NEBL: variants seen among roughly 807,000 people sequenced by gnomAD.
The protein encoded by NEBL is LIM and SH3 protein 2.
NEBL carries 122 observed loss-of-function variants against 140.2 expected under a neutral mutation model. That is an observed-to-expected ratio of 0.87 (90% CI 0.75 to 1.01). The LOEUF is 1.01. Ranked by LOEUF, NEBL falls within the 50% of genes least tolerant of loss-of-function variation. The pLI is 0.00. For missense variants in NEBL, 1,365 were observed against 1,231.3 expected (o/e 1.11, Z -1.62); for synonymous variants, 436 against 398.9 (o/e 1.09, Z -1.11).
intron 3 of NEBL, among the ~76,000 whole-genome samples, chr10:21,202,461 C>CTTCTTTTT (rs1841752979): frequency 8.5e-6 from 1 of 117,294 alleles, no homozygotes; most frequent in Non-Finnish European, 1.7e-5. Flanking sequence ...TTTTCTTTTT[C>CTTCTTTTT]TTTTTTTTTT....
intron 5 of NEBL, among the ~76,000 whole-genome samples, chr10:20,874,090 C>A (rs909042580): frequency 6.6e-6 from 1 of 152,116 alleles, no homozygotes; most frequent in African/African-American, 2.4e-5. Flanking sequence ...ATAGGAACAC[C>A]TAGAATTATT....
chr10:20,908,717 T>C (rs1848203253), intron 4 of NEBL, among the ~76,000 whole-genome samples: 2 of 152,210 alleles, frequency 1.3e-5, no homozygotes, highest in Non-Finnish European at 2.9e-5. Flanking sequence ...CACTCTGCTC[T>C]GGTAAGCTGA....
At chr10:21,109,822 ATT>A (rs1837900428) in intron 2 of NEBL, among the ~76,000 whole-genome samples, 1 of 151,900 alleles carries the variant, frequency 6.6e-6, no homozygotes, top group Admixed American at 6.6e-5. Flanking sequence ...GGTAGTTTGT[ATT>A]TCTGTGGGAA....
At chr10:20,924,337 G>A (rs1833757975) in intron 4 of NEBL, among the ~76,000 whole-genome samples, 1 of 138,158 alleles carries the variant, frequency 7.2e-6, no homozygotes, top group Non-Finnish European at 1.5e-5. Flanking sequence ...GTACCTATCT[G>A]CTTTGTATCC....
At chr10:21,131,837 C>T (rs960869447) in intron 2 of NEBL, among the ~76,000 whole-genome samples, 1 of 152,110 alleles carries the variant, frequency 6.6e-6, no homozygotes, top group Non-Finnish European at 1.5e-5. Context: ...TCCCAGTGCC[C>T]TTGGGTGCCC....
At chr10:21,245,391 C>T (rs1588558374) in intron 3 of NEBL, among the ~76,000 whole-genome samples, 1 of 152,176 alleles carries the variant, frequency 6.6e-6, no homozygotes, top group South Asian at 2.1e-4. Flanking sequence ...ATACTGAATA[C>T]ATTACATAAG....
At chr10:21,278,581 C>T (rs1033188827) in intron 1 of NEBL, among the ~76,000 whole-genome samples, 8 of 152,176 alleles carry the variant, frequency 5.3e-5, no homozygotes, top group African/African-American at 1.9e-4. Context: ...TAGGCCAAGA[C>T]CCACTTCCAA....
chr10:21,098,275 C>T (rs968228454), intron 2 of NEBL, among the ~76,000 whole-genome samples: 37 of 152,292 alleles, frequency 2.4e-4, no homozygotes, highest in African/African-American at 7.9e-4. Flanking sequence ...CACTGTCACA[C>T]AGAGAGTGCA....
In NEBL at chr10:20,817,609, G is replaced by A. The variant is rs202147389; in HGVS notation, c.2139C>T (p.Asn713=). Reference sequence around the variant, plus strand: ...ACTAAGATGATCACACATTGCTGATGTTTTTCTGGTTTTCTTTTGCCCTCT... The same window carrying A: ...ACTAAGATGATCACACATTGCTGATATTTTTCTGGTTTTCTTTTGCCCTCT... ...ELKRAKENQK[N]ISNVYYRGQL... Residue 713 remains asparagine (N), a synonymous_variant, in exon 21 of 28, where the codon AAC becomes AAT. Transcript: ENST00000377122. The A allele has an allele frequency of 1.8e-4, 285 of 1,611,646 alleles. No homozygotes were observed. The highest frequency in any genetic ancestry group is 2.2e-4 in the Non-Finnish European group (264 of 1,177,830).
chr10:21,121,055 A>G (rs1838549517), intron 2 of NEBL, among the ~76,000 whole-genome samples: 1 of 152,132 alleles, frequency 6.6e-6, no homozygotes, highest in African/African-American at 2.4e-5. Flanking sequence ...TCACACTGGG[A>G]ACATTGGTCC....
At chr10:21,136,085 G>C (rs1839342421) in intron 2 of NEBL, among the ~76,000 whole-genome samples, 1 of 152,102 alleles carries the variant, frequency 6.6e-6, no homozygotes, top group Admixed American at 6.5e-5. Flanking sequence ...TCACATTCTG[G>C]GTTGGGTATA....
chr10:20,935,480 C>T (rs773331904), intron 4 of NEBL, among the ~76,000 whole-genome samples: 4 of 152,160 alleles, frequency 2.6e-5, no homozygotes, highest in Non-Finnish European at 5.9e-5. Flanking sequence ...ACATGCTCCC[C>T]TCGGTAGTGA....
chr10:20,926,335 C>A (rs1419503900), intron 4 of NEBL, among the ~76,000 whole-genome samples: 1 of 152,170 alleles, frequency 6.6e-6, no homozygotes, highest in Non-Finnish European at 1.5e-5. Context: ...TTTTGCAATC[C>A]TTTATAAAAC....
intron 23 of NEBL, 97 bp from the exon 24 acceptor site, chr10:20,813,037 G>A (rs2130789214): frequency 2.0e-6 from 2 of 1,001,596 alleles, no homozygotes; most frequent in South Asian, 2.7e-5. Flanking sequence ...CTGGCTGCGT[G>A]CAGATTGTCT....
At chr10:21,001,132 G>A (rs1298760891) in intron 3 of NEBL, among the ~76,000 whole-genome samples, 1 of 152,140 alleles carries the variant, frequency 6.6e-6, no homozygotes, top group Non-Finnish European at 1.5e-5. Flanking sequence ...AGGTGGTCAG[G>A]AAAATGCTAG....
At chr10:20,793,325 G>A (rs886808293) in intron 26 of NEBL, 2 of 959,572 alleles carry the variant, frequency 2.1e-6, no homozygotes, top group African/African-American at 3.5e-5. Context: ...AATAAAAGCA[G>A]TCATTACTGT....
At chr10:21,091,753 G>A (rs1836920764) in intron 2 of NEBL, among the ~76,000 whole-genome samples, 1 of 152,150 alleles carries the variant, frequency 6.6e-6, no homozygotes, top group South Asian at 2.1e-4. Flanking sequence ...AGGCTCCCAA[G>A]TTGCTAATAC....
At chr10:21,015,720 C>T (rs1170446033) in intron 3 of NEBL, among the ~76,000 whole-genome samples, 1 of 152,086 alleles carries the variant, frequency 6.6e-6, no homozygotes, top group African/African-American at 2.4e-5. Flanking sequence ...CCTATGGCGC[C>T]CAGACTGATG....
intron 2 of NEBL, among the ~76,000 whole-genome samples, chr10:21,169,947 T>A (rs1355300890): frequency 6.6e-6 from 1 of 152,226 alleles, no homozygotes; most frequent in Non-Finnish European, 1.5e-5. Context: ...TTCTTTTTCA[T>A]AAGTAGAATC....
Sources: gnomAD v4.1 joint callset for allele counts (sites outside exome capture counted in the v4.1 genomes callset) on GRCh38, gnomAD v4.1.1 for gene constraint, MANE v1.5 for transcripts, NCBI Gene and HGNC (gene_info 2026-07-23, HGNC 2026-07-21) for gene names.